The following SLC9A2 variants were observed in gnomAD, a reference collection of about 807,000 sequenced individuals.
SLC9A2 encodes the protein sodium/hydrogen exchanger 2.
Under a neutral mutation model 71.7 loss-of-function variants are expected in SLC9A2, and 42 were observed. That is an observed-to-expected ratio of 0.59 (90% CI 0.46 to 0.76). The LOEUF is 0.76. Among genes scored for constraint, SLC9A2 ranks in the 30% least tolerant of loss-of-function variants. The pLI, the probability that SLC9A2 is intolerant of heterozygous loss-of-function variation, is 0.00. For synonymous variants in SLC9A2, 396 were observed against 392.5 expected (o/e 1.01, Z -0.10); for missense variants, 829 against 1,017.4 (o/e 0.81, Z 2.52).
intron 1 of SLC9A2, among the ~76,000 whole-genome samples, chr2:102,620,343 T>C (rs954534016): frequency 1.3e-5 from 2 of 152,142 alleles, no homozygotes; most frequent in Admixed American, 6.5e-5. Flanking sequence ...ACATTGGCCT[T>C]GAAATGGCCC....
intron 1 of SLC9A2, among the ~76,000 whole-genome samples, chr2:102,656,704 G>A (rs994857804): frequency 1.3e-5 from 2 of 152,158 alleles, no homozygotes; most frequent in Non-Finnish European, 2.9e-5. Flanking sequence ...CAATGTTTCT[G>A]AATGCCACAG....
chr2:102,690,193 C>A (rs142437648), intron 5 of SLC9A2, among the ~76,000 whole-genome samples: 1 of 151,978 alleles, frequency 6.6e-6, no homozygotes, highest in Non-Finnish European at 1.5e-5. Flanking sequence ...CTAAAGGAGG[C>A]GAAACATCAG....
intron 10 of SLC9A2, among the ~76,000 whole-genome samples, chr2:102,705,356 T>C (rs1437390695): frequency 1.3e-5 from 2 of 152,186 alleles, no homozygotes; most frequent in East Asian, 3.8e-4. Flanking sequence ...TGTAGCAGTG[T>C]TAATTAAAAG....
intron 3 of SLC9A2, among the ~76,000 whole-genome samples, chr2:102,674,953 A>T (rs1304344424): frequency 2.0e-5 from 3 of 152,160 alleles, no homozygotes; most frequent in Admixed American, 2.0e-4. Flanking sequence ...GTAAAGTGAG[A>T]TCTACCCTGC....
rs781525495 is a variant in SLC9A2, at chr2:102,665,196, G to A, written c.850G>A (p.Gly284Ser). The A allele has an allele frequency of 1.2e-5, 19 of 1,613,922 alleles. No individual in the cohort carries two copies. Among genetic ancestry groups the A allele is most frequent in the South Asian group, 7.7e-5 (7 of 91,080 alleles). The change falls in exon 3 of 12, where the codon GGT (glycine) becomes AGT (serine). Residue 284 changes from glycine to serine, a missense_variant. Transcript: ENST00000233969. ...GIANFFVVGI[G>S]GVLIGIFLGF... ...CGCCAACTTCTTTGTTGTGGGAATC[G>A]GTGGGGTGCTGATTGGCATCTTCTT... is the stretch of plus-strand genomic sequence containing the variant.
At chr2:102,635,131 A>C (rs1676444049) in intron 1 of SLC9A2, among the ~76,000 whole-genome samples, 1 of 152,248 alleles carries the variant, frequency 6.6e-6, no homozygotes, top group African/African-American at 2.4e-5. Context: ...CTATTTTAGA[A>C]ATGTCAACCC....
In SLC9A2 at chr2:102,648,052, C is replaced by G. The variant is rs538006726; in HGVS notation, c.290-9512C>G. On this transcript the variant is annotated intron_variant, in intron 1 of 11. Coordinates refer to ENST00000233969, the MANE Select transcript of SLC9A2 (RefSeq NM_003048.6). ...GAGACACAACAAAAAAAGAAAATTTCAGGTCAATATCCCTGATGAACACTG... is the reference window on the plus strand; with the variant it reads ...GAGACACAACAAAAAAAGAAAATTTGAGGTCAATATCCCTGATGAACACTG... 5.3e-5 allele frequency among the ~76,000 whole-genome samples: 8 copies of G among 152,230 alleles called. No individual in the cohort carries two copies. The South Asian group carries it at 1.5e-3, about 28-fold the overall frequency.
At position 102,694,457 on chromosome 2, in the gene SLC9A2, G is replaced by A. The variant is rs1436874716; in HGVS notation, c.1469G>A (p.Arg490Lys). Residue 490 changes from arginine to lysine, a missense_variant, in exon 6 of 12, where the codon AGG becomes AAG. By Grantham distance (26) the Arg-to-Lys change is conservative. Around this residue, in one of 3 missense-constraint regions of SLC9A2, gnomAD observed 500 missense variants for 726.3 expected, o/e 0.69. Transcript: ENST00000233969. Reference protein sequence around the residue: ...RPLVEFLDVKRSNKKQQAVSE... With the variant: ...RPLVEFLDVKKSNKKQQAVSE... Reference sequence around the variant, plus strand: ...CTGGTGGAGTTTCTTGATGTCAAGAGGTCCAATAAGAAACAACAAGCTGTC... The same window carrying A: ...CTGGTGGAGTTTCTTGATGTCAAGAAGTCCAATAAGAAACAACAAGCTGTC... The A allele has an allele frequency of 3.2e-6, 5 of 1,541,130 alleles. No homozygotes were observed. The Admixed American group carries it at 6.8e-5, about 21-fold the overall frequency.
chr2:102,636,368 G>A (rs1049306584), intron 1 of SLC9A2, among the ~76,000 whole-genome samples: 18 of 152,246 alleles, frequency 1.2e-4, no homozygotes, highest in Non-Finnish European at 2.2e-4. Flanking sequence ...AATAACTGGT[G>A]AATGCAGTTA....
At chr2:102,689,045 A>T (rs1677609746) in intron 5 of SLC9A2, among the ~76,000 whole-genome samples, 1 of 152,180 alleles carries the variant, frequency 6.6e-6, no homozygotes, top group Non-Finnish European at 1.5e-5. Flanking sequence ...CTTGTAAGCT[A>T]ACAAGTTCGC....
At chr2:102,689,263 TG>T (rs1677612988) in intron 5 of SLC9A2, among the ~76,000 whole-genome samples, 1 of 152,164 alleles carries the variant, frequency 6.6e-6, no homozygotes, top group African/African-American at 2.4e-5. Context: ...TATTTGAGTT[TG>T]GGGATATATT....
chr2:102,660,829 C>T (rs749647149), intron 2 of SLC9A2, among the ~76,000 whole-genome samples: 10 of 152,108 alleles, frequency 6.6e-5, no homozygotes, highest in African/African-American at 1.7e-4. Context: ...ACGGCAAAAA[C>T]GATGAGTCAC....
chr2:102,657,355 CATT>C, intron 1 of SLC9A2, among the ~76,000 whole-genome samples: 1 of 152,130 alleles, frequency 6.6e-6, no homozygotes, highest in East Asian at 1.9e-4. Flanking sequence ...TTTAATGTAA[CATT>C]AATTTTTTGT....
At chr2:102,634,682 G>A (rs1189518038) in intron 1 of SLC9A2, among the ~76,000 whole-genome samples, 2 of 152,138 alleles carry the variant, frequency 1.3e-5, no homozygotes, top group East Asian at 3.8e-4. Context: ...GTCAGCCTCT[G>A]AAATATGTTA....
At chr2:102,628,590 C>T (rs889458247) in intron 1 of SLC9A2, among the ~76,000 whole-genome samples, 5 of 152,018 alleles carry the variant, frequency 3.3e-5, no homozygotes, top group East Asian at 1.9e-4. Flanking sequence ...GTTTGATATG[C>T]GGGGTTTCCA....
At position 102,626,388 on chromosome 2, in the gene SLC9A2, G is replaced by T. The variant is rs564316898; in HGVS notation, c.289+6251G>T. ...AGCCATATTTAGAAAGCCAAAGCTG[G>T]ATCCCTTCCTTACACCTTATACAAA... On this transcript the variant is annotated intron_variant, in intron 1 of 11. Transcript: ENST00000233969. Among the ~76,000 whole-genome samples, 37 of 152,302 alleles carry T rather than the reference G, an allele frequency of 2.4e-4. No individual in the cohort carries two copies. In the South Asian group the frequency reaches 7.7e-3, roughly 32 times the overall value.
intron 1 of SLC9A2, among the ~76,000 whole-genome samples, chr2:102,630,603 C>T (rs1393252615): frequency 6.6e-6 from 1 of 151,692 alleles, no homozygotes; most frequent in African/African-American, 2.4e-5. Flanking sequence ...TCACGTTTTT[C>T]GTCTCTTCAT....
In SLC9A2 at chr2:102,711,125, C is replaced by A. The variant is rs1306401281; in HGVS notation, c.*2636C>A. ...GGTGGGGTGTACTGTTTTATCTGGG[C>A]GGTGAGGGTATTGATTTACATAAAA... On this transcript the variant is annotated 3_prime_UTR_variant, in exon 12 of 12. Coordinates refer to ENST00000233969, the MANE Select transcript of SLC9A2 (RefSeq NM_003048.6). 1.3e-5 allele frequency: 2 copies of A among 152,224 alleles called. No homozygotes were observed. Among genetic ancestry groups the A allele is most frequent in the Admixed American group, 1.3e-4 (2 of 15,252 alleles). 9.4% of individuals were successfully genotyped at this position (152,224 alleles called of 1,614,324 possible).
rs1676093454 is a variant in SLC9A2 at position 102,619,667 on chromosome 2, C to T, written c.-182C>T. ...TGCACGTGCCTCGCCAGGCAGTGCG[C>T]CTGCTCGCAGCGAGGACCTAGCCCT... On this transcript the variant is annotated 5_prime_UTR_variant, in exon 1 of 12. Coordinates refer to ENST00000233969, the MANE Select transcript of SLC9A2 (RefSeq NM_003048.6). This position sits in a 1 kb window ranked among gnomAD's most constrained non-coding sequence, Gnocchi z 4.3. 4.1e-6 allele frequency: 2 copies of T among 487,760 alleles called. No individual in the cohort carries two copies. The highest frequency in any genetic ancestry group is 4.4e-5 in the South Asian group (1 of 22,854). The allele number at this position is 487,760 out of a possible 1,614,324, so 30.2% of individuals were successfully genotyped here.
Sources: gnomAD v4.1 joint callset for allele counts (sites outside exome capture counted in the v4.1 genomes callset) on GRCh38, gnomAD v4.1.1 for gene constraint, gnomAD v4.1.1 regional missense constraint, Gnocchi (gnomAD v3.1) non-coding constraint, MANE v1.5 for transcripts, NCBI Gene and HGNC (gene_info 2026-07-23, HGNC 2026-07-21) for gene names.